Variants in CLPB observed in about 807,000 individuals in gnomAD.
CLPB encodes ClpB family mitochondrial disaggregase.
Under a neutral mutation model 78.4 loss-of-function variants are expected in CLPB, and 40 were observed. The ratio of observed to expected loss-of-function variants is 0.51; its 90% CI spans 0.40 to 0.66. The LOEUF (loss-of-function observed/expected upper bound fraction) is 0.66. CLPB is among the 30% of genes least tolerant of loss of function. The probability of loss-of-function intolerance (pLI) is 0.00; values close to 1 mark genes in which losing one functional copy is unlikely to be tolerated. For missense variants in CLPB, 780 were observed against 886.9 expected (o/e 0.88, Z 1.53); for synonymous variants, 333 against 348.0 (o/e 0.96, Z 0.48).
Position 72,294,076 on chromosome 11 carries a change from A to G in CLPB, c.1731T>C (p.Asp577=). ...GCACATTGTAGCCGTCGACCAGCAC[A>G]TCTGCCACCTCGCGGTCCCAGAGCA... The part of the protein sequence containing the change: ...ITLLWDREVA[D]VLVDGYNVHY... Residue 577 remains aspartate (D), a synonymous_variant, in exon 15 of 16, where the codon GAT becomes GAC. Transcript: ENST00000538039. 1 of 1,614,154 alleles carries G rather than the reference A, an allele frequency of 6.2e-7. No homozygotes were observed. Among genetic ancestry groups the G allele is most frequent in the South Asian group, 1.1e-5 (1 of 91,076 alleles).
intron 4 of CLPB, among the ~76,000 whole-genome samples, 166 bp downstream of exon 4, chr11:72,380,115 G>C (rs761597612): frequency 6.6e-6 from 1 of 152,202 alleles, no homozygotes; most frequent in South Asian, 2.1e-4. Flanking sequence ...CCAGGGGACT[G>C]TGAAAGGCAG....
chr11:72,375,839 A>C (rs775783091), intron 4 of CLPB, among the ~76,000 whole-genome samples: 6 of 152,232 alleles, frequency 3.9e-5, no homozygotes, highest in African/African-American at 4.8e-5. Context: ...AGCAATTACA[A>C]CTGTAGAGCA....
chr11:72,347,235 T>C (rs1213702645), intron 5 of CLPB, among the ~76,000 whole-genome samples: 1 of 152,158 alleles, frequency 6.6e-6, no homozygotes, highest in South Asian at 2.1e-4. Flanking sequence ...CAGGATATTT[T>C]TGTGGTCTTA....
In CLPB at chr11:72,434,329, C is replaced by T; in HGVS notation, c.146G>A (p.Arg49Lys). 6.2e-7 allele frequency: 1 copy of T among 1,612,340 alleles called. No homozygotes were observed. Reference protein sequence around the residue: ...TGSLGEPQWLRVATGGRPGTS... With the variant: ...TGSLGEPQWLKVATGGRPGTS... ...TCCAGGGCGCCCCCCGGTGGCTACC[C>T]TCAGCCACTGCGGCTCCCCGAGACT... Residue 49 changes from arginine to lysine, a missense_variant, in exon 1 of 16, where the codon AGG becomes AAG. Physicochemically the swap from Arg to Lys is conservative, Grantham distance 26. Transcript: ENST00000538039.
chr11:72,344,344 G>A (rs1352763936), intron 5 of CLPB, among the ~76,000 whole-genome samples: 1 of 151,964 alleles, frequency 6.6e-6, no homozygotes, highest in Non-Finnish European at 1.5e-5. Context: ...GAGTAGATGG[G>A]ACCACAGGCA....
At chr11:72,401,824 G>C (rs1446194431) in intron 3 of CLPB, among the ~76,000 whole-genome samples, 2 of 152,156 alleles carry the variant, frequency 1.3e-5, no homozygotes, top group Non-Finnish European at 1.5e-5. Flanking sequence ...ATCATAGCTA[G>C]AGCAAATGTG....
At chr11:72,299,149 G>C (rs957545659) in intron 11 of CLPB, among the ~76,000 whole-genome samples, 2 of 152,152 alleles carry the variant, frequency 1.3e-5, no homozygotes, top group African/African-American at 4.8e-5. Flanking sequence ...ATGGCCAACT[G>C]GCAGCAGCCA....
intron 3 of CLPB, among the ~76,000 whole-genome samples, chr11:72,402,524 G>C (rs1855592898): frequency 6.6e-6 from 1 of 152,142 alleles, no homozygotes; most frequent in Admixed American, 6.5e-5. Context: ...GCCTCCAATG[G>C]GAGGGAAAGA....
chr11:72,398,267 C>T (rs1590894655), intron 3 of CLPB, among the ~76,000 whole-genome samples: 1 of 152,364 alleles, frequency 6.6e-6, no homozygotes, highest in African/African-American at 2.4e-5. Context: ...TCCGCCTACA[C>T]ATCCTGCAAA....
At position 72,287,912 on chromosome 11, in the gene CLPB, TTTATCTA is replaced by T. The variant is rs1426070786; in HGVS notation, c.*5448_*5454del. 2.6e-5 allele frequency: 4 copies of T among 152,048 alleles called. No individual in the cohort carries two copies. Among genetic ancestry groups the T allele is most frequent in the Non-Finnish European group, 5.9e-5 (4 of 68,024 alleles). The allele number at this position is 152,048 out of a possible 1,614,324, so 9.4% of individuals were successfully genotyped here. On this transcript the variant is annotated 3_prime_UTR_variant, in exon 16 of 16. Coordinates refer to ENST00000538039, the MANE Select transcript of CLPB (RefSeq NM_001258392.3). ...TCCCCTTTTATCAGGCTCAGGAGGT[TTTATCTA>T]TTTTATTGGTGCTTTCAAAGAATTT...
At chr11:72,307,915 A>C (rs1363275310) in intron 8 of CLPB, among the ~76,000 whole-genome samples, 2 of 152,148 alleles carry the variant, frequency 1.3e-5, no homozygotes, top group East Asian at 3.9e-4. Context: ...GGAGGGGAAG[A>C]GGAGGAAACT....
At chr11:72,301,554 C>T (rs1314378719) in intron 11 of CLPB, among the ~76,000 whole-genome samples, 4 of 152,190 alleles carry the variant, frequency 2.6e-5, no homozygotes, top group Non-Finnish European at 5.9e-5. Flanking sequence ...CATACCATGT[C>T]TCTCTAGAAG....
chr11:72,377,230 T>G (rs1263562429), intron 4 of CLPB, among the ~76,000 whole-genome samples: 1 of 152,188 alleles, frequency 6.6e-6, no homozygotes, highest in African/African-American at 2.4e-5. Flanking sequence ...GAATGCTGAA[T>G]AATGCATCAA....
At chr11:72,381,840 T>TG (rs1854925364) in intron 3 of CLPB, among the ~76,000 whole-genome samples, 1 of 152,050 alleles carries the variant, frequency 6.6e-6, no homozygotes, top group South Asian at 2.1e-4. Flanking sequence ...GCTCTAGGCC[T>TG]GCTCAGTTTC....
In CLPB at chr11:72,351,003, C is replaced by T. The variant is rs61893852; in HGVS notation, c.775+7877G>A. Among the ~76,000 whole-genome samples the T allele has an allele frequency of 2.6e-5, 4 of 152,308 alleles. 1 individual carries two copies. Among genetic ancestry groups the T allele is most frequent in the Middle Eastern group, 6.8e-3 (2 of 294 alleles). ...TACCCATTAGCAATCTCTCCCCATC[C>T]CTCCCCCAGATAACTGCTAACATGG... On this transcript the variant is annotated intron_variant, in intron 5 of 15. Transcript: ENST00000538039.
chr11:72,410,898 A>C (rs1855858124), intron 2 of CLPB: 1 of 152,174 alleles, frequency 6.6e-6, no homozygotes, highest in African/African-American at 2.4e-5. Flanking sequence ...GTATTGTTTG[A>C]AGTTGTGCTG....
intron 9 of CLPB, among the ~76,000 whole-genome samples, chr11:72,305,001 T>G (rs1272525679): frequency 6.6e-6 from 1 of 152,178 alleles, no homozygotes; most frequent in Non-Finnish European, 1.5e-5. Flanking sequence ...AAAACACAGA[T>G]TCTATAATGA....
In CLPB at chr11:72,377,749, G is replaced by C. The variant is rs373615582; in HGVS notation, c.646+2532C>G. On this transcript the variant is annotated intron_variant, in intron 4 of 15. Coordinates refer to ENST00000538039, the MANE Select transcript of CLPB (RefSeq NM_001258392.3). ...TAAGAAAAAGAAATTATGTAACCTT[G>C]AACTAGGAATGCGAAAAGAAAATTA... is the stretch of plus-strand genomic sequence containing the variant. Among the ~76,000 whole-genome samples, 73 of 152,276 alleles carry C rather than the reference G, an allele frequency of 4.8e-4. 1 individual carries two copies. In the South Asian group the frequency reaches 0.014, roughly 29 times the overall value.
chr11:72,434,415 C>A lies in CLPB; in HGVS notation c.60G>T (p.Leu20=). 6.3e-7 allele frequency: 1 copy of A among 1,597,442 alleles called. No homozygotes were observed. The highest frequency in any genetic ancestry group is 8.5e-7 in the Non-Finnish European group (1 of 1,169,828). ...GGCCCCGGAGCGTTGGGGACCTGAGCAGCCGGAGGAGTAGCCGTGGCGCCA... is the reference window on the plus strand; with the variant it reads ...GGCCCCGGAGCGTTGGGGACCTGAGAAGCCGGAGGAGTAGCCGTGGCGCCA... ...KALAPRLLLR[L]LRSPTLRGHG... Residue 20 remains leucine (L), a synonymous_variant, in exon 1 of 16, where the codon CTG becomes CTT. Transcript: ENST00000538039.
Sources: gnomAD v4.1 joint callset for allele counts (sites outside exome capture counted in the v4.1 genomes callset) on GRCh38, gnomAD v4.1.1 for gene constraint, MANE v1.5 for transcripts, NCBI Gene and HGNC (gene_info 2026-07-23, HGNC 2026-07-21) for gene names.